ABI3BP: variants seen among roughly 807,000 people sequenced by gnomAD.
ABI3BP encodes target of Nesh-SH3.
ABI3BP carries 216 observed loss-of-function variants against 268.6 expected under a neutral mutation model. The observed-to-expected ratio is 0.80, with a 90% CI of 0.72 to 0.90. The LOEUF is 0.90. ABI3BP is among the 40% of genes least tolerant of loss of function. The pLI is 0.00. For synonymous variants in ABI3BP, 730 were observed against 730.0 expected, an observed-to-expected ratio of 1.00 and a Z score of 0.00; for missense variants, 2,090 against 2,182.4, an observed-to-expected ratio of 0.96 and a Z score of 0.84.
chr3:100,900,435 G>A (rs2049756130), intron 3 of ABI3BP, among the ~76,000 whole-genome samples: 1 of 152,178 alleles, frequency 6.6e-6, no homozygotes. Context: ...CACATTAAGA[G>A]CAAAGTCAAA....
At chr3:100,984,272 C>A (rs2090857784) in intron 1 of ABI3BP, among the ~76,000 whole-genome samples, 2 of 152,078 alleles carry the variant, frequency 1.3e-5, no homozygotes, top group African/African-American at 2.4e-5. Context: ...TGGGCTATAG[C>A]CTGTATTGGG....
chr3:100,936,441 T>A (rs1459876260), intron 1 of ABI3BP, among the ~76,000 whole-genome samples: 1 of 152,146 alleles, frequency 6.6e-6, no homozygotes, highest in Admixed American at 6.6e-5. Flanking sequence ...AATTTTCTTT[T>A]TTTGTTGTGT....
At chr3:100,783,296 T>C (rs1371220535) in intron 57 of ABI3BP, among the ~76,000 whole-genome samples, 1 of 152,158 alleles carries the variant, frequency 6.6e-6, no homozygotes, top group Non-Finnish European at 1.5e-5. Flanking sequence ...GGGGACTGGA[T>C]TATCGTGCAG....
chr3:100,821,474 A>G (rs2098222007), intron 38 of ABI3BP, among the ~76,000 whole-genome samples: 1 of 152,134 alleles, frequency 6.6e-6, no homozygotes, highest in African/African-American at 2.4e-5. Context: ...TGGAAAGAAC[A>G]GCTTGCTGAT....
At chr3:100,900,134 T>C (rs112698622) in intron 3 of ABI3BP, among the ~76,000 whole-genome samples, 5 of 152,366 alleles carry the variant, frequency 3.3e-5, no homozygotes, top group Non-Finnish European at 7.4e-5. Flanking sequence ...TCAAAGATAG[T>C]TATCATTTAC....
chr3:100,753,929 C>T, intron 64 of ABI3BP, 81 bp from the exon 65 acceptor site: 2 of 1,373,004 alleles, frequency 1.5e-6, no homozygotes. Flanking sequence ...ATGATGGGGG[C>T]TTACACTTGT....
chr3:100,975,606 C>A (rs2085764929), intron 1 of ABI3BP, among the ~76,000 whole-genome samples: 1 of 152,016 alleles, frequency 6.6e-6, no homozygotes, highest in African/African-American at 2.4e-5. Context: ...GAATGTTTTG[C>A]TTGTTTAATT....
intron 1 of ABI3BP, among the ~76,000 whole-genome samples, chr3:100,940,191 C>T (rs1245736293): frequency 6.6e-6 from 1 of 152,004 alleles, no homozygotes; most frequent in Non-Finnish European, 1.5e-5. Context: ...ACATCTTCCT[C>T]AGCTGACAGG....
intron 1 of ABI3BP, chr3:100,945,509 C>A: frequency 3.1e-6 from 1 of 323,770 alleles, no homozygotes; most frequent in Admixed American, 4.2e-5. Context: ...TCTCTCTGTT[C>A]CCACCCTTAG....
chr3:100,796,547 C>T, intron 51 of ABI3BP, 79 bp from the exon 52 acceptor site: 1 of 1,104,182 alleles, frequency 9.1e-7, no homozygotes, highest in Non-Finnish European at 1.3e-6. Context: ...ATATAAAAAT[C>T]CCAGAAAGCA....
chr3:100,769,368 C>A (rs1342337487), intron 62 of ABI3BP, among the ~76,000 whole-genome samples: 1 of 152,132 alleles, frequency 6.6e-6, no homozygotes, highest in African/African-American at 2.4e-5. Flanking sequence ...ATTACAAAAG[C>A]AGTTTGGTTA....
intron 54 of ABI3BP, among the ~76,000 whole-genome samples, chr3:100,793,121 A>C (rs1486221330): frequency 6.6e-6 from 1 of 151,868 alleles, no homozygotes; most frequent in African/African-American, 2.4e-5. Flanking sequence ...TTTCCTGCCC[A>C]TAAATCTCAC....
rs73861219 is a variant in ABI3BP at position 100,838,403 on chromosome 3, A to G, written c.2007T>C (p.Pro669=). 1.0e-3 allele frequency: 1,551 copies of G among 1,535,788 alleles called. 15 individuals are homozygous for G. In the African/African-American group the frequency reaches 0.019, roughly 19 times the overall value. ...CAAGGCATTGAAAGTAATGATTACC[A>G]GGCTGAATTTGAGGTGCATCTGGTC... ...THRPDAPQIQ[P]GSKPPKQLLP... is the part of the protein sequence containing the mutation. Residue 669 remains proline (P), a splice_region_variant and synonymous_variant, in exon 25 of 68, where the codon CCT becomes CCC. Coordinates refer to ENST00000471714, the MANE Select transcript of ABI3BP (RefSeq NM_001375547.2).
At chr3:100,874,749 C>G (rs2099143631) in intron 9 of ABI3BP, 92 bp downstream of exon 9, 3 of 720,624 alleles carry the variant, frequency 4.2e-6, no homozygotes, top group Admixed American at 6.0e-5. Flanking sequence ...GATCCTCAAA[C>G]AGCTCATTAG....
chr3:100,885,436 A>C (rs2041524388), intron 6 of ABI3BP, 100 bp downstream of exon 6: 1 of 596,192 alleles, frequency 1.7e-6, no homozygotes, highest in African/African-American at 1.9e-5. Context: ...TTTCATAGCT[A>C]GTCAGTTAAT....
intron 2 of ABI3BP, among the ~76,000 whole-genome samples, chr3:100,921,439 T>C (rs1452950958): frequency 1.3e-5 from 2 of 151,888 alleles, no homozygotes; most frequent in African/African-American, 4.8e-5. Flanking sequence ...TTAGCAAAAT[T>C]ACTAGCAGCT....
intron 4 of ABI3BP, among the ~76,000 whole-genome samples, chr3:100,891,145 A>G (rs577448199): frequency 7.6e-4 from 116 of 152,314 alleles, no homozygotes; most frequent in African/African-American, 2.7e-3. Context: ...CAACAGTAGG[A>G]TCATGATAAG....
chr3:100,902,942 C>A (rs1207969184), intron 2 of ABI3BP, among the ~76,000 whole-genome samples: 1 of 152,192 alleles, frequency 6.6e-6, no homozygotes, highest in African/African-American at 2.4e-5. Flanking sequence ...ATACTATACA[C>A]AGATTTTAAA....
At chr3:100,981,304 A>T (rs757097137) in intron 1 of ABI3BP, among the ~76,000 whole-genome samples, 2 of 152,056 alleles carry the variant, frequency 1.3e-5, no homozygotes, top group African/African-American at 2.4e-5. Flanking sequence ...ATCCAAACAG[A>T]TGAGGAGTCA....
Sources: allele counts gnomAD v4.1 joint callset (sites outside exome capture counted in the v4.1 genomes callset), GRCh38; gene constraint gnomAD v4.1.1; transcripts MANE v1.5; gene names NCBI Gene and HGNC (gene_info 2026-07-23, HGNC 2026-07-21).